The following ARID3C variants were observed in gnomAD, a reference collection of about 807,000 sequenced individuals.
ARID3C encodes AT-rich interactive domain-containing protein 3C.
ARID3C carries 42 observed loss-of-function variants against 37.9 expected under a neutral mutation model. That is an observed-to-expected ratio of 1.11 (90% confidence interval 0.87 to 1.43). The LOEUF (loss-of-function observed/expected upper bound fraction) is 1.43, where lower values mean the gene tolerates loss of function less well. ARID3C is among the 40% of genes most tolerant of loss of function. ARID3C has a pLI of 0.00. For synonymous variants in ARID3C, 213 were observed against 228.0 expected, an observed-to-expected ratio of 0.93 and a Z score of 0.59; for missense variants, 581 against 548.8, an observed-to-expected ratio of 1.06 and a Z score of -0.59.
upstream of ARID3C, chr9:34,628,169 G>GAAGT: frequency 6.8e-6 from 7 of 1,035,042 alleles, no homozygotes; most frequent in Non-Finnish European, 8.1e-6. This position sits in a 1 kb window ranked among gnomAD's most constrained non-coding sequence, Gnocchi z 5.2. Flanking sequence ...TGGATTCAGG[G>GAAGT]AAGTGCAGGG....
At chr9:34,623,208 C>T (rs1271726261) in intron 4 of ARID3C, among the ~76,000 whole-genome samples, 2 of 151,312 alleles carry the variant, frequency 1.3e-5, no homozygotes, top group Non-Finnish European at 2.9e-5. Flanking sequence ...TCAGCCCCTA[C>T]ACTTCAGTAA....
At chr9:34,631,592 T>A (rs1330736730), upstream of ARID3C, among the ~76,000 whole-genome samples, 4 of 149,432 alleles carry the variant, frequency 2.7e-5, no homozygotes, top group East Asian at 5.9e-4. Flanking sequence ...CAATTCTAAG[T>A]GGGGGAAATA....
chr9:34,625,294 G>A (rs1820639690), intron 2 of ARID3C, among the ~76,000 whole-genome samples: 1 of 152,094 alleles, frequency 6.6e-6, no homozygotes, highest in Non-Finnish European at 1.5e-5. Context: ...CTCCTCCACA[G>A]CCTCAACTCA....
At chr9:34,630,889 C>G (rs761696243), upstream of ARID3C, among the ~76,000 whole-genome samples, 27 of 152,128 alleles carry the variant, frequency 1.8e-4, no homozygotes, top group Non-Finnish European at 3.7e-4. Flanking sequence ...GTGATCCAAT[C>G]ACTGTCGGTA....
chr9:34,630,714 C>G (rs1288841851), upstream of ARID3C, among the ~76,000 whole-genome samples: 2 of 152,192 alleles, frequency 1.3e-5, no homozygotes, highest in African/African-American at 4.8e-5. Flanking sequence ...TCTCTGCACC[C>G]TTCTGTGCCC....
In ARID3C at chr9:34,625,816, T is replaced by G. The variant is rs1182135945; in HGVS notation, c.319-2A>C. 2.5e-6 allele frequency: 4 copies of G among 1,613,778 alleles called. No homozygotes were observed. Among genetic ancestry groups the G allele is most frequent in the African/African-American group, 2.7e-5 (2 of 74,924 alleles). On this transcript the variant is annotated splice_acceptor_variant, in intron 1 of 6. Transcript: ENST00000378909. LOFTEE classifies it high-confidence loss of function. Reference sequence around the variant, plus strand: ...GGGGTCTGCATCGAGCTCATACAGCTGGGGAAGGATTGGGGTCATTCTACA... The same window carrying G: ...GGGGTCTGCATCGAGCTCATACAGCGGGGGAAGGATTGGGGTCATTCTACA...
At position 34,621,559 on chromosome 9, in the gene ARID3C, C is replaced by G; in HGVS notation, c.1139-1G>C. ...GGCTGGCGGCGGGCAAAGAGGACAC[C>G]TGGCAAAGGGGTGAGGAGATGGTAG... On this transcript the variant is annotated splice_acceptor_variant, in intron 6 of 6. Coordinates refer to ENST00000378909, the Ensembl canonical transcript of ARID3C. LOFTEE classifies it high-confidence loss of function. 6.4e-7 allele frequency: 1 copy of G among 1,574,452 alleles called. No homozygotes were observed. The highest frequency in any genetic ancestry group is 8.6e-7 in the Non-Finnish European group (1 of 1,166,998).
intron 2 of ARID3C, 108 bp downstream of exon 3, chr9:34,625,634 G>A (rs1037705482): frequency 1.5e-5 from 18 of 1,203,068 alleles, no homozygotes; most frequent in Admixed American, 5.5e-5. Flanking sequence ...AGGGCCCAAA[G>A]GACAGGTGCT....
chr9:34,627,613 G>T, intron 1 of ARID3C, 84 bp downstream of exon 2: 1 of 1,277,100 alleles, frequency 7.8e-7, no homozygotes, highest in Non-Finnish European at 1.1e-6. Flanking sequence ...GGTGGGGGTG[G>T]GTGGGCTGCT....
upstream of ARID3C, among the ~76,000 whole-genome samples, chr9:34,630,480 T>C (rs2132317402): frequency 6.6e-6 from 1 of 152,216 alleles, no homozygotes; most frequent in South Asian, 2.1e-4. Flanking sequence ...TTGGCATAGG[T>C]ATGAAACTGT....
chr9:34,628,092 G>A (rs773908960), upstream of ARID3C: 10 of 1,435,876 alleles, frequency 7.0e-6, no homozygotes, highest in South Asian at 1.3e-4. This position sits in a 1 kb window ranked among gnomAD's most constrained non-coding sequence, Gnocchi z 5.2. Flanking sequence ...GCCGCCTGTG[G>A]GGGAGGGAAT....
At chr9:34,628,149 G>A, upstream of ARID3C, 1 of 1,249,254 alleles carries the variant, frequency 8.0e-7, no homozygotes, top group Non-Finnish European at 1.1e-6. This position sits in a 1 kb window ranked among gnomAD's most constrained non-coding sequence, Gnocchi z 5.2. Flanking sequence ...AACACAGGGG[G>A]AGGTGGTCAT....
At position 34,621,589 on chromosome 9, in the gene ARID3C, C is replaced by A. The variant is rs745922222; in HGVS notation, c.1139-31G>T. Reference sequence around the variant, plus strand: ...AAAGGGGTGAGGAGATGGTAGAGGGCAAAAACAAGCAGGAGGGGGTAGGGT... The same window carrying A: ...AAAGGGGTGAGGAGATGGTAGAGGGAAAAAACAAGCAGGAGGGGGTAGGGT... On this transcript the variant is annotated intron_variant, in intron 6 of 6. Transcript: ENST00000378909. 2.9e-5 allele frequency: 43 copies of A among 1,495,470 alleles called. No homozygotes were observed. The Admixed American group carries it at 8.9e-4, about 31-fold the overall frequency. 92.6% of individuals were successfully genotyped at this position (1,495,470 alleles called of 1,614,324 possible). A position where few individuals can be genotyped will look rare whatever the true frequency, so the allele number is the denominator to read the frequency against.
rs956009188 is a variant in ARID3C, at chr9:34,622,413, G to A, written c.982C>T (p.Pro328Ser). Reference sequence around the variant, plus strand: ...ATGCAAGGTCGAGGTGGGTCCATAGGCCCCATCAGCACAGCTCTCTTCTCT... The same window carrying A: ...ATGCAAGGTCGAGGTGGGTCCATAGACCCCATCAGCACAGCTCTCTTCTCT... Residue 328 changes from proline to serine, a missense_variant, in exon 5 of 7, where the codon CCT becomes TCT. Pro to Ser is a moderately conservative substitution (Grantham distance 74, BLOSUM62 -1). Transcript: ENST00000378909. 7 of 1,614,044 alleles carry A rather than the reference G, an allele frequency of 4.3e-6. No individual in the cohort carries two copies. The highest frequency in any genetic ancestry group is 1.7e-5 in the Admixed American group (1 of 60,000).
chr9:34,623,901 T>G (rs1820617631), exon 3 of ARID3C: 1 of 1,597,330 alleles, frequency 6.3e-7, no homozygotes, highest in Non-Finnish European at 8.5e-7. Context: ...GTGATGGTGG[T>G]GGGTAGGCTG....
chr9:34,626,202 A>G (rs548331855), intron 1 of ARID3C, among the ~76,000 whole-genome samples: 7 of 152,166 alleles, frequency 4.6e-5, no homozygotes, highest in African/African-American at 1.4e-4. Context: ...AGACAAACAT[A>G]TATCTGATGC....
intron 4 of ARID3C, 135 bp from the exon 6 acceptor site, chr9:34,622,664 C>A: frequency 1.1e-6 from 1 of 914,748 alleles, no homozygotes; most frequent in East Asian, 2.7e-5. Flanking sequence ...TCTATCTTCC[C>A]ATCCAGAGCC....
upstream of ARID3C, chr9:34,628,160 G>T (rs1439006018): frequency 8.7e-7 from 1 of 1,147,800 alleles, no homozygotes. This position sits in a 1 kb window ranked among gnomAD's most constrained non-coding sequence, Gnocchi z 5.2. Flanking sequence ...AGGTGGTCAT[G>T]GATTCAGGGA....
chr9:34,631,679 G>A (rs1019397905), upstream of ARID3C, among the ~76,000 whole-genome samples: 1 of 152,156 alleles, frequency 6.6e-6, no homozygotes, highest in African/African-American at 2.4e-5. Flanking sequence ...GGGGGCATTA[G>A]TTACCTATTG....
Sources: allele counts gnomAD v4.1 joint callset (sites outside exome capture counted in the v4.1 genomes callset), GRCh38; gene constraint gnomAD v4.1.1; non-coding constraint Gnocchi (gnomAD v3.1); transcripts MANE v1.5; gene names NCBI Gene and HGNC (gene_info 2026-07-23, HGNC 2026-07-21).